Variants in CRB1 observed in about 807,000 individuals in gnomAD.
CRB1 encodes protein crumbs homolog 1.
Under a neutral mutation model 120.0 loss-of-function variants are expected in CRB1, and 83 were observed. The observed-to-expected ratio is 0.69, with a 90% CI of 0.58 to 0.83. CRB1 has a LOEUF of 0.83. Ranked by LOEUF, CRB1 falls within the 40% of genes least tolerant of loss-of-function variation. CRB1 has a pLI of 0.00. For missense variants in CRB1, 1,699 were observed against 1,687.6 expected, an observed-to-expected ratio of 1.01 and a Z score of -0.12; for synonymous variants, 625 against 612.5, an observed-to-expected ratio of 1.02 and a Z score of -0.30.
chr1:197,311,040 C>G (rs1558045317), intron 1 of CRB1, among the ~76,000 whole-genome samples: 1 of 152,206 alleles, frequency 6.6e-6, no homozygotes, highest in Non-Finnish European at 1.5e-5. Context: ...AAAAGCTAAG[C>G]TAACTTTTAA....
Position 197,347,342 on chromosome 1 carries a change from A to G in CRB1, c.851A>G (p.Tyr284Cys). 2 of 1,613,680 alleles carry G rather than the reference A, an allele frequency of 1.2e-6. No individual in the cohort carries two copies. Among genetic ancestry groups the G allele is most frequent in the Non-Finnish European group, 1.7e-6 (2 of 1,179,594 alleles). The change falls in exon 4 of 12, where the codon TAT (tyrosine) becomes TGT (cysteine). Residue 284 changes from tyrosine to cysteine, a missense_variant and splice_region_variant. Coordinates refer to ENST00000367400, the MANE Select transcript of CRB1 (RefSeq NM_201253.3). Reference sequence around the variant, plus strand: ...TGAAAATTTCATTTACTTTCCAGATATAGCTGTAACTGCACGGGTAGTGGA... The same window carrying G: ...TGAAAATTTCATTTACTTTCCAGATGTAGCTGTAACTGCACGGGTAGTGGA... ...GGLCVDGENR[Y>C]SCNCTGSGFT...
intron 1 of CRB1, among the ~76,000 whole-genome samples, chr1:197,283,902 C>A (rs998446346): frequency 1.2e-4 from 18 of 151,540 alleles, no homozygotes; most frequent in African/African-American, 4.4e-4. Flanking sequence ...TATATATAGA[C>A]AGAAGTATTA....
At chr1:197,268,526 G>C (rs1242616388) in intron 1 of CRB1, 44 bp downstream of exon 1, 2 of 1,339,648 alleles carry the variant, frequency 1.5e-6, no homozygotes, top group Non-Finnish European at 2.1e-6. Context: ...TTTATTTCTG[G>C]CTTATTATAT....
At chr1:197,210,390 G>C in the CRB1 span, among the ~76,000 whole-genome samples, 1 of 152,184 alleles carries the variant, frequency 6.6e-6, no homozygotes, top group African/African-American at 2.4e-5. Flanking sequence ...AGCAAGGACA[G>C]TTTTCATGAA....
intron 10 of CRB1, chr1:197,441,585 G>A (rs1665434163): frequency 6.7e-6 from 1 of 149,196 alleles, no homozygotes; most frequent in Admixed American, 6.7e-5. Flanking sequence ...ATAAAAAAAG[G>A]ATTTCCACAG....
intron 7 of CRB1, chr1:197,429,115 A>C: frequency 6.5e-7 from 1 of 1,527,596 alleles, no homozygotes; most frequent in Middle Eastern, 1.7e-4. Context: ...AGGAGTAAGA[A>C]TCCCTTCCTC....
At chr1:197,222,737 C>G in the CRB1 span, 1 of 890,298 alleles carries the variant, frequency 1.1e-6, no homozygotes, top group South Asian at 1.3e-5. Context: ...TGAGTAGGAA[C>G]AATGGAGTTG....
intron 5 of CRB1, among the ~76,000 whole-genome samples, chr1:197,406,803 T>C (rs1457366655): frequency 1.3e-4 from 20 of 152,230 alleles, no homozygotes; most frequent in Admixed American, 1.3e-3. Flanking sequence ...TATAGTGCTT[T>C]ATATTTTGCC....
chr1:197,230,633 C>T, the CRB1 span, among the ~76,000 whole-genome samples: 2 of 152,066 alleles, frequency 1.3e-5, no homozygotes, highest in African/African-American at 4.8e-5. Flanking sequence ...TAAAATTATC[C>T]ACTTCCATGT....
intron 1 of CRB1, among the ~76,000 whole-genome samples, chr1:197,284,449 A>G (rs770105247): frequency 6.6e-6 from 1 of 151,904 alleles, no homozygotes; most frequent in Non-Finnish European, 1.5e-5. Flanking sequence ...AGTCACATCT[A>G]ATCAGGTTTA....
chr1:197,282,995 G>A (rs911372719), intron 1 of CRB1, among the ~76,000 whole-genome samples: 1 of 151,764 alleles, frequency 6.6e-6, no homozygotes, highest in Admixed American at 6.6e-5. Context: ...TTTTAATATA[G>A]GTGTATGGAA....
intron 5 of CRB1, among the ~76,000 whole-genome samples, chr1:197,372,724 AC>A (rs947526478): frequency 2.0e-5 from 3 of 151,414 alleles, no homozygotes; most frequent in African/African-American, 7.3e-5. Context: ...AAAAAAAAAA[AC>A]AAATAAAAAA....
intron 5 of CRB1, among the ~76,000 whole-genome samples, chr1:197,384,405 C>T (rs368289279): frequency 1.3e-4 from 20 of 152,262 alleles, no homozygotes; most frequent in East Asian, 9.7e-4. Context: ...GATCCACTTT[C>T]CAACCTGGCA....
chr1:197,237,049 A>G, the CRB1 span, among the ~76,000 whole-genome samples: 9 of 152,040 alleles, frequency 5.9e-5, no homozygotes, highest in East Asian at 7.7e-4. Context: ...TGAGTCTGCA[A>G]ATATTCTCTT....
At chr1:197,412,598 CCTT>C (rs1200982251) in intron 5 of CRB1, among the ~76,000 whole-genome samples, 1 of 152,176 alleles carries the variant, frequency 6.6e-6, no homozygotes, top group East Asian at 1.9e-4. Flanking sequence ...TGTTCCCTCT[CCTT>C]CTTACACCAC....
At chr1:197,340,755 A>T (rs1343026907) in intron 2 of CRB1, among the ~76,000 whole-genome samples, 1 of 152,006 alleles carries the variant, frequency 6.6e-6, no homozygotes, top group Admixed American at 6.6e-5. Flanking sequence ...TTTGGCAGGG[A>T]TGGGGGTGGC....
chr1:197,433,743 G>A (rs948019505), intron 8 of CRB1, among the ~76,000 whole-genome samples: 1 of 152,092 alleles, frequency 6.6e-6, no homozygotes, highest in African/African-American at 2.4e-5. Flanking sequence ...GAAAGAAAAA[G>A]AATGCATAGA....
intron 2 of CRB1, among the ~76,000 whole-genome samples, chr1:197,341,155 A>G (rs1659432498): frequency 6.6e-6 from 1 of 152,104 alleles, no homozygotes; most frequent in Admixed American, 6.6e-5. Context: ...TGGGATTTGG[A>G]TGGGGACACA....
chr1:197,318,305 T>A (rs1348544493), intron 1 of CRB1, among the ~76,000 whole-genome samples: 1 of 152,192 alleles, frequency 6.6e-6, no homozygotes, highest in African/African-American at 2.4e-5. Flanking sequence ...TTTCACCTCA[T>A]TCCAATTAGA....
Sources: gnomAD v4.1 joint callset for allele counts (sites outside exome capture counted in the v4.1 genomes callset) on GRCh38, gnomAD v4.1.1 for gene constraint, MANE v1.5 for transcripts, NCBI Gene and HGNC (gene_info 2026-07-23, HGNC 2026-07-21) for gene names.